Variants in UCK2 observed in about 807,000 individuals in gnomAD.
UCK2 encodes uridine-cytidine kinase 2.
A neutral mutation model predicts 30.8 loss-of-function variants in UCK2; 6 were observed. The observed-to-expected ratio is 0.19, with a 90% CI of 0.11 to 0.38. The LOEUF is 0.38. Among genes scored for constraint, UCK2 ranks in the 10% least tolerant of loss-of-function variants. The probability of loss-of-function intolerance (pLI) is 1.00; values close to 1 mark genes in which losing one functional copy is unlikely to be tolerated. For synonymous variants in UCK2, 125 were observed against 133.6 expected, an observed-to-expected ratio of 0.94 and a Z score of 0.45; for missense variants, 210 against 339.8, an observed-to-expected ratio of 0.62 and a Z score of 3.00.
Position 165,907,949 on chromosome 1 carries a change from T to A in UCK2, c.*126T>A. On this transcript the variant is annotated 3_prime_UTR_variant, in exon 7 of 7. Transcript: ENST00000367879. ...TTAAGAAAACACCATGGAGATGAAA[T>A]GCCTTTGATTTTTTTTTTCTTTTTG... The A allele has an allele frequency of 7.4e-7, 1 of 1,343,564 alleles. No homozygotes were observed. Among genetic ancestry groups the A allele is most frequent in the Non-Finnish European group, 9.9e-7 (1 of 1,010,360 alleles). The allele number at this position is 1,343,564 out of a possible 1,614,324, so 83.2% of individuals were successfully genotyped here. A position where few individuals can be genotyped will look rare whatever the true frequency, so the allele number is the denominator to read the frequency against.
At chr1:165,871,692 AG>A (rs934606886) in intron 1 of UCK2, among the ~76,000 whole-genome samples, 87 of 152,318 alleles carry the variant, frequency 5.7e-4, no homozygotes, top group African/African-American at 2.0e-3. Context: ...CCGAGGAGTA[AG>A]GAAGACATGA....
At chr1:165,895,996 C>T (rs965450454) in intron 3 of UCK2, 194 bp from the exon 4 acceptor site, 26 of 653,374 alleles carry the variant, frequency 4.0e-5, no homozygotes, top group East Asian at 1.3e-4. Context: ...TTGTCCCGGC[C>T]GTGATCACCC....
intron 6 of UCK2, among the ~76,000 whole-genome samples, chr1:165,907,476 C>T (rs1421315509): frequency 6.6e-6 from 1 of 152,162 alleles, no homozygotes; most frequent in Non-Finnish European, 1.5e-5. Context: ...CTATCTTACT[C>T]CTTAGAGCCC....
At chr1:165,887,287 A>G (rs370062905) in intron 1 of UCK2, among the ~76,000 whole-genome samples, 15 of 152,288 alleles carry the variant, frequency 9.8e-5, no homozygotes, top group Middle Eastern at 3.4e-3. Context: ...GATCAACACA[A>G]TTAGTCATAC....
At chr1:165,843,370 C>G (rs1306209656) in intron 1 of UCK2, among the ~76,000 whole-genome samples, 1 of 152,046 alleles carries the variant, frequency 6.6e-6, no homozygotes, top group Non-Finnish European at 1.5e-5. Context: ...TAAATGAACC[C>G]TACATTTATG....
At chr1:165,877,832 A>G (rs930733703) in intron 1 of UCK2, among the ~76,000 whole-genome samples, 5 of 152,040 alleles carry the variant, frequency 3.3e-5, no homozygotes, top group Admixed American at 6.6e-5. Flanking sequence ...TGCTTTTTTT[A>G]AAGAGCAGTT....
At chr1:165,907,279 T>C (rs369691651) in intron 6 of UCK2, among the ~76,000 whole-genome samples, 2 of 151,886 alleles carry the variant, frequency 1.3e-5, no homozygotes, top group East Asian at 1.9e-4. Flanking sequence ...TCCATAGGGA[T>C]GCTCTGTCTT....
chr1:165,870,489 A>C (rs531433102), intron 1 of UCK2, among the ~76,000 whole-genome samples: 1 of 150,158 alleles, frequency 6.7e-6, no homozygotes, highest in African/African-American at 2.5e-5. Flanking sequence ...CATTTGCTGG[A>C]TGACAATTTT....
intron 4 of UCK2, among the ~76,000 whole-genome samples, chr1:165,897,440 G>A (rs909858677): frequency 1.3e-5 from 2 of 152,084 alleles, no homozygotes; most frequent in Non-Finnish European, 2.9e-5. Flanking sequence ...AGCAGAGTTA[G>A]AATCGACCAG....
chr1:165,866,679 T>A (rs1276224287), intron 1 of UCK2, among the ~76,000 whole-genome samples: 1 of 152,168 alleles, frequency 6.6e-6, no homozygotes, highest in Non-Finnish European at 1.5e-5. Flanking sequence ...TTCTTCCTCA[T>A]CCCCAGGCCC....
chr1:165,871,274 C>T (rs1395104949), intron 1 of UCK2, among the ~76,000 whole-genome samples: 3 of 152,272 alleles, frequency 2.0e-5, no homozygotes, highest in East Asian at 1.9e-4. Flanking sequence ...AAATATACCT[C>T]GTGTTTTAAA....
chr1:165,842,306 G>C (rs573870060), intron 1 of UCK2, among the ~76,000 whole-genome samples: 17 of 152,136 alleles, frequency 1.1e-4, no homozygotes, highest in Admixed American at 3.3e-4. Flanking sequence ...TCGCAGATTG[G>C]GTATTTCCTG....
chr1:165,850,702 T>C (rs1260034781), intron 1 of UCK2, among the ~76,000 whole-genome samples: 1 of 149,298 alleles, frequency 6.7e-6, no homozygotes, highest in African/African-American at 2.5e-5. Context: ...CACTGCAAGC[T>C]CCGCCTCCCG....
intron 1 of UCK2, among the ~76,000 whole-genome samples, chr1:165,851,658 G>T (rs1185355919): frequency 2.0e-5 from 3 of 151,994 alleles, no homozygotes; most frequent in Admixed American, 6.6e-5. Flanking sequence ...TGGGATACAT[G>T]TGCAGAACGT....
At chr1:165,898,972 C>G (rs1168238584) in intron 4 of UCK2, among the ~76,000 whole-genome samples, 6 of 152,218 alleles carry the variant, frequency 3.9e-5, no homozygotes, top group Non-Finnish European at 8.8e-5. Context: ...CAAATTCATT[C>G]TCTCTCCACG....
chr1:165,896,322 C>G lies in UCK2; in HGVS notation c.489C>G (p.Leu163=). The G allele has an allele frequency of 3.7e-6, 6 of 1,614,128 alleles. No individual in the cohort carries two copies. Among genetic ancestry groups the G allele is most frequent in the East Asian group, 2.2e-5 (1 of 44,888 alleles). Residue 163 remains leucine (L), a synonymous_variant, in exon 4 of 7, where the codon CTC becomes CTG. Transcript: ENST00000367879. ...TGGATACAGATGCGGACACCCGGCT[C>G]TCACGCAGAGGTGCGTTCTAAAAGC... ...LFVDTDADTR[L]SRRVLRDISE...
At chr1:165,883,105 T>A (rs1018257867) in intron 1 of UCK2, among the ~76,000 whole-genome samples, 4 of 152,200 alleles carry the variant, frequency 2.6e-5, no homozygotes, top group African/African-American at 9.6e-5. Flanking sequence ...ATTACGGGTG[T>A]GAAGCACTCA....
chr1:165,827,668 C>A lies in UCK2; in HGVS notation c.-166C>A. 2.0e-6 allele frequency: 1 copy of A among 511,934 alleles called. No individual in the cohort carries two copies. Among genetic ancestry groups the A allele is most frequent in the Non-Finnish European group, 3.0e-6 (1 of 327,974 alleles). The allele number at this position is 511,934 out of a possible 1,614,324, so 31.7% of individuals were successfully genotyped here. On this transcript the variant is annotated 5_prime_UTR_variant, in exon 1 of 7. Transcript: ENST00000367879. ...GAAGGCTCTTGGCTCCTTCGGGAAA[C>A]CCAGCCCCGTCACCGGGCTCCGAGC...
chr1:165,852,833 A>G (rs1654631425), intron 1 of UCK2, among the ~76,000 whole-genome samples: 1 of 152,202 alleles, frequency 6.6e-6, no homozygotes, highest in Non-Finnish European at 1.5e-5. Flanking sequence ...GTGCAGGGAA[A>G]TAGATAGCAT....
Sources: allele counts gnomAD v4.1 joint callset (sites outside exome capture counted in the v4.1 genomes callset), GRCh38; gene constraint gnomAD v4.1.1; transcripts MANE v1.5; gene names NCBI Gene and HGNC (gene_info 2026-07-23, HGNC 2026-07-21).